Variants in CDKL1 observed in about 807,000 individuals in gnomAD.
CDKL1 encodes the protein cyclin-dependent kinase-like 1.
In CDKL1, 41 loss-of-function variants were observed where a neutral mutation model predicts 42.0. That is an observed-to-expected ratio of 0.98 (90% CI 0.76 to 1.27). CDKL1 has a LOEUF of 1.27. Ranked by LOEUF, CDKL1 falls within the 50% of genes most tolerant of loss-of-function variation. The probability of loss-of-function intolerance (pLI) is 0.00; values close to 1 mark genes in which losing one functional copy is unlikely to be tolerated. For missense variants in CDKL1, 394 were observed against 428.4 expected (o/e 0.92, Z 0.71); for synonymous variants, 153 against 158.6 (o/e 0.96, Z 0.26).
At position 50,328,929 on chromosome 14, in the gene CDKL1, A is replaced by ATATG. The variant is rs2032803419; in HGVS notation, c.*1144_*1145insCATA. The ATATG allele has an allele frequency of 3.2e-5, 1 of 31,124 alleles. No individual in the cohort carries two copies. Among genetic ancestry groups the ATATG allele is most frequent in the African/African-American group, 1.2e-4 (1 of 8,402 alleles). 1.9% of individuals were successfully genotyped at this position (31,124 alleles called of 1,614,324 possible). On this transcript the variant is annotated 3_prime_UTR_variant, in exon 10 of 10. Transcript: ENST00000395834. Reference sequence around the variant, plus strand: ...TTTTATATATATATATAAAAAACACATATATATATATGTGTGTGTGTGTCA... The same window carrying ATATG: ...TTTTATATATATATATAAAAAACACATATGTATATATATATGTGTGTGTGTGTCA...
chr14:50,357,012 C>T (rs761147582), intron 3 of CDKL1: 1 of 152,198 alleles, frequency 6.6e-6, no homozygotes, highest in Non-Finnish European at 1.5e-5. Context: ...CCAAGCCACT[C>T]AACATGATTA....
Position 50,368,316 on chromosome 14 carries a change from G to A in CDKL1, c.169-9167C>T, listed in dbSNP as rs150956047. On this transcript the variant is annotated intron_variant, in intron 2 of 9. Transcript: ENST00000395834. ...CTGTTACCCAGGCTGGAGTGCAGTGGCATGATCATGGCTCACTGCAGCCTC... is the reference window on the plus strand; with the variant it reads ...CTGTTACCCAGGCTGGAGTGCAGTGACATGATCATGGCTCACTGCAGCCTC... Among the ~76,000 whole-genome samples the A allele has an allele frequency of 2.4e-3, 371 of 151,636 alleles. 4 individuals carry two copies. The highest frequency in any genetic ancestry group is 8.5e-3 in the African/African-American group (350 of 41,322).
intron 7 of CDKL1, chr14:50,334,849 TC>T: frequency 2.2e-6 from 1 of 461,280 alleles, no homozygotes. Context: ...TCCCTTAACT[TC>T]CTGCTCTGAT....
intron 2 of CDKL1, chr14:50,380,146 G>A (rs769725930): frequency 2.8e-5 from 15 of 527,642 alleles, no homozygotes; most frequent in South Asian, 1.9e-4. Context: ...GAGCCAATAT[G>A]GCAGAAAGGG....
intron 3 of CDKL1, among the ~76,000 whole-genome samples, chr14:50,356,250 A>G (rs2034053730): frequency 6.6e-6 from 1 of 152,182 alleles, no homozygotes. Context: ...TTGATTATCA[A>G]TTCATAGCAT....
At chr14:50,339,306 C>T (rs1167584699) in intron 6 of CDKL1, among the ~76,000 whole-genome samples, 2 of 152,034 alleles carry the variant, frequency 1.3e-5, no homozygotes, top group Non-Finnish European at 2.9e-5. Flanking sequence ...CTACAGTGTA[C>T]TGAAGGAACC....
intron 2 of CDKL1, among the ~76,000 whole-genome samples, chr14:50,367,137 C>G (rs930690512): frequency 1.3e-5 from 2 of 152,134 alleles, no homozygotes; most frequent in Non-Finnish European, 2.9e-5. Context: ...AAGAAAGCCC[C>G]TTAAGATGAG....
At position 50,326,821 on chromosome 14, in the gene CDKL1, A is replaced by G. The variant is rs2032723080; in HGVS notation, c.*3253T>C. The stretch of plus-strand genomic sequence containing the variant: ...TTTGGGAGGCTGAGGTGGGAGGATC[A>G]CTTGAGACCAGGAGTTTGAGACCAA... On this transcript the variant is annotated 3_prime_UTR_variant, in exon 10 of 10. Coordinates refer to ENST00000395834, the MANE Select transcript of CDKL1 (RefSeq NM_004196.7). 2 of 931,882 alleles carry G rather than the reference A, an allele frequency of 2.1e-6. No homozygotes were observed. Among genetic ancestry groups the G allele is most frequent in the Non-Finnish European group, 2.6e-6 (2 of 781,410 alleles). 57.7% of individuals were successfully genotyped at this position (931,882 alleles called of 1,614,324 possible).
chr14:50,330,829 A>G (rs975583140), intron 9 of CDKL1: 2 of 152,264 alleles, frequency 1.3e-5, no homozygotes, highest in Admixed American at 1.3e-4. Context: ...CGGTATCCCT[A>G]AAAAGGGAAC....
At chr14:50,334,446 CAGG>C (rs1477762881) in intron 8 of CDKL1, 116 bp downstream of exon 8, 2 of 723,584 alleles carry the variant, frequency 2.8e-6, no homozygotes, top group Admixed American at 2.2e-5. Flanking sequence ...ACTGCCCAGC[CAGG>C]AGAAGAATTC....
At chr14:50,389,279 G>C (rs2035182581) in intron 2 of CDKL1, among the ~76,000 whole-genome samples, 1 of 151,928 alleles carries the variant, frequency 6.6e-6, no homozygotes, top group African/African-American at 2.4e-5. Context: ...AATCAAATGA[G>C]AGCCTACTTC....
At position 50,332,237 on chromosome 14, in the gene CDKL1, G is replaced by T. The variant is rs76081409; in HGVS notation, c.966+25C>A. On this transcript the variant is annotated intron_variant, in intron 9 of 9. Transcript: ENST00000395834. ...TCCAACTCTCTGTACCAGGTGGCAG[G>T]TAGGAGATCATTTCAAATTATAACC... 4.9e-4 allele frequency: 798 copies of T among 1,614,174 alleles called. 4 individuals carry two copies. In the African/African-American group the frequency reaches 8.3e-3, roughly 17 times the overall value.
At chr14:50,347,695 C>T (rs1269292678) in intron 3 of CDKL1, among the ~76,000 whole-genome samples, 2 of 152,118 alleles carry the variant, frequency 1.3e-5, no homozygotes, top group East Asian at 3.9e-4. Context: ...ATTCTACATT[C>T]AGAAGGAAGG....
intron 7 of CDKL1, chr14:50,335,743 T>C: frequency 8.1e-6 from 8 of 985,144 alleles, no homozygotes; most frequent in Non-Finnish European, 9.6e-6. Flanking sequence ...CCGACTGGAG[T>C]GACTGGCCAG....
At chr14:50,397,168 G>T, upstream of CDKL1, 1 of 1,366,498 alleles carries the variant, frequency 7.3e-7, no homozygotes, top group South Asian at 1.1e-5. Context: ...GCCTGCGCTA[G>T]GAGCCCCTCC....
In CDKL1 at chr14:50,334,580, G is replaced by A; in HGVS notation, c.780C>T (p.Ala260=). 3.1e-6 allele frequency: 5 copies of A among 1,604,048 alleles called. No homozygotes were observed. Among genetic ancestry groups the A allele is most frequent in the African/African-American group, 1.3e-5 (1 of 74,780 alleles). The change falls in exon 8 of 10, where the codon GCC becomes GCT. Residue 260 remains alanine (A), a synonymous_variant. Coordinates refer to ENST00000395834, the MANE Select transcript of CDKL1 (RefSeq NM_004196.7). ...ELKFPNISYP[A]LGLLKGCLHM... is the part of the protein sequence containing the mutation. ...TGATTTTTACCTTTAGGAGCCCCAG[G>A]GCAGGATAAGAGATGTTTGGGAATT... is the stretch of plus-strand genomic sequence containing the variant.
intron 2 of CDKL1, among the ~76,000 whole-genome samples, chr14:50,382,296 CA>C (rs972594003): frequency 5.3e-5 from 8 of 151,926 alleles, no homozygotes; most frequent in African/African-American, 9.7e-5. Flanking sequence ...ACTAAAAATA[CA>C]AAAAAATTAG....
chr14:50,332,481 A>G (rs2033011263), intron 8 of CDKL1, 49 bp from the exon 9 acceptor site: 2 of 1,555,598 alleles, frequency 1.3e-6, no homozygotes, highest in Non-Finnish European at 8.6e-7. Flanking sequence ...AATTGTATTA[A>G]CTTATTAATG....
At chr14:50,354,493 G>T (rs1321198570) in intron 3 of CDKL1, among the ~76,000 whole-genome samples, 4 of 152,148 alleles carry the variant, frequency 2.6e-5, no homozygotes, top group African/African-American at 9.7e-5. Context: ...GAACATATAG[G>T]TAGGCAGAAA....
Sources: allele counts gnomAD v4.1 joint callset (sites outside exome capture counted in the v4.1 genomes callset), GRCh38; gene constraint gnomAD v4.1.1; transcripts MANE v1.5; gene names NCBI Gene and HGNC (gene_info 2026-07-23, HGNC 2026-07-21).